The following SLC35F1 variants were observed in gnomAD, a reference collection of about 807,000 sequenced individuals.
SLC35F1 encodes chromosome 6 open reading frame 169.
SLC35F1 carries 14 observed loss-of-function variants against 48.7 expected under a neutral mutation model. That is an observed-to-expected ratio of 0.29 (90% CI 0.19 to 0.45). SLC35F1 has a LOEUF of 0.45. Among genes scored for constraint, SLC35F1 ranks in the 20% least tolerant of loss-of-function variants. The pLI is 1.00. For synonymous variants in SLC35F1, 190 were observed against 202.2 expected, an observed-to-expected ratio of 0.94 and a Z score of 0.51; for missense variants, 404 against 500.0, an observed-to-expected ratio of 0.81 and a Z score of 1.83.
intron 1 of SLC35F1, among the ~76,000 whole-genome samples, chr6:118,039,580 G>C (rs4946318): frequency 0.52 from 78,114 of 151,114 alleles, 20,955 homozygotes; most frequent in Middle Eastern, 0.64. Context: ...ATTTCTATTG[G>C]TCTATTTTCA....
At chr6:118,202,847 G>A (rs1774888655) in intron 2 of SLC35F1, among the ~76,000 whole-genome samples, 1 of 152,212 alleles carries the variant, frequency 6.6e-6, no homozygotes, top group Non-Finnish European at 1.5e-5. Flanking sequence ...AGGCCTCTCC[G>A]AGGAGATGAC....
At chr6:117,952,877 G>A (rs1776382051) in intron 1 of SLC35F1, among the ~76,000 whole-genome samples, 1 of 152,144 alleles carries the variant, frequency 6.6e-6, no homozygotes, top group African/African-American at 2.4e-5. Context: ...TGGTTATTGG[G>A]CTCAGTGAAG....
Position 118,252,277 on chromosome 6 carries a change from C to T in SLC35F1, c.478-14718C>T, listed in dbSNP as rs184786792. 4.6e-5 allele frequency among the ~76,000 whole-genome samples: 7 copies of T among 152,156 alleles called. No homozygotes were observed. In the East Asian group the frequency reaches 1.4e-3, roughly 29 times the overall value. The stretch of plus-strand genomic sequence containing the variant: ...GCCACTAAGTGCATGATGATCATGA[C>T]TTGAAGCCACTTGCTAACTGTCGAT... On this transcript the variant is annotated intron_variant, in intron 3 of 7. Coordinates refer to ENST00000360388, the MANE Select transcript of SLC35F1 (RefSeq NM_001029858.4).
Position 118,215,888 on chromosome 6 carries a change from C to T in SLC35F1, c.350-19621C>T, listed in dbSNP as rs1005731718. On this transcript the variant is annotated intron_variant, in intron 2 of 7. Coordinates refer to ENST00000360388, the MANE Select transcript of SLC35F1 (RefSeq NM_001029858.4). ...GGAAAAACAAGGGCTCAGTCCATCA[C>T]TCTTCTATCAAAGGAATTTAGTTAC... Among the ~76,000 whole-genome samples, 26 of 152,278 alleles carry T rather than the reference C, an allele frequency of 1.7e-4. No homozygotes were observed. In the East Asian group the frequency reaches 2.1e-3, roughly 12 times the overall value.
At chr6:118,275,355 G>T (rs1775907230) in intron 4 of SLC35F1, 104 bp from the exon 5 acceptor site, 1 of 1,222,374 alleles carries the variant, frequency 8.2e-7, no homozygotes, top group South Asian at 1.6e-5. Context: ...CTATAAAAAT[G>T]TCAAAATAGA....
chr6:118,139,848 C>T (rs1290386228), intron 1 of SLC35F1, among the ~76,000 whole-genome samples: 5 of 152,136 alleles, frequency 3.3e-5, no homozygotes, highest in Non-Finnish European at 5.9e-5. Context: ...GCTGTTATAT[C>T]AAAGGAGCAT....
In SLC35F1 at chr6:118,248,760, G is replaced by A. The variant is rs73527815; in HGVS notation, c.477+13124G>A. 9.9e-3 allele frequency among the ~76,000 whole-genome samples: 1,506 copies of A among 152,322 alleles called. 27 individuals are homozygous for A. The highest frequency in any genetic ancestry group is 0.034 in the African/African-American group (1,432 of 41,560). ...ATTAAGTTTGTGGTCATTTATTACA[G>A]CAGCAATGGAAAACTAATACAGTTG... On this transcript the variant is annotated intron_variant, in intron 3 of 7. Transcript: ENST00000360388.
intron 1 of SLC35F1, among the ~76,000 whole-genome samples, chr6:118,130,583 T>G (rs930766634): frequency 1.3e-5 from 2 of 152,194 alleles, no homozygotes; most frequent in Non-Finnish European, 2.9e-5. Flanking sequence ...TACTAGTAGT[T>G]TTTTGGGTAG....
intron 1 of SLC35F1, among the ~76,000 whole-genome samples, chr6:117,985,800 AAG>A (rs1484609613): frequency 2.0e-5 from 3 of 152,248 alleles, no homozygotes; most frequent in Non-Finnish European, 4.4e-5. Flanking sequence ...TTATAGAAAA[AAG>A]TAAATATGCA....
chr6:117,921,469 T>C (rs921793627), intron 1 of SLC35F1, among the ~76,000 whole-genome samples: 2 of 152,218 alleles, frequency 1.3e-5, no homozygotes, highest in African/African-American at 4.8e-5. Flanking sequence ...GTTCTAACAG[T>C]TTGTGTGATT....
chr6:117,995,776 T>TA (rs905734819), intron 1 of SLC35F1, among the ~76,000 whole-genome samples: 11 of 151,722 alleles, frequency 7.3e-5, no homozygotes, highest in Non-Finnish European at 1.5e-4. Flanking sequence ...AAATAAAAAT[T>TA]AAAAAAAGGG....
At chr6:117,937,312 G>A (rs1264628926) in intron 1 of SLC35F1, among the ~76,000 whole-genome samples, 2 of 152,300 alleles carry the variant, frequency 1.3e-5, no homozygotes, top group African/African-American at 2.4e-5. Context: ...AGCGCACTAC[G>A]AGGAGTTAGA....
intron 1 of SLC35F1, among the ~76,000 whole-genome samples, chr6:117,997,338 G>C (rs1017970843): frequency 6.6e-6 from 1 of 152,200 alleles, no homozygotes; most frequent in Non-Finnish European, 1.5e-5. Flanking sequence ...GAACCAAGTT[G>C]GAAAACACTC....
chr6:118,023,112 G>A (rs188115220), intron 1 of SLC35F1, among the ~76,000 whole-genome samples: 38 of 152,202 alleles, frequency 2.5e-4, no homozygotes, highest in Admixed American at 1.6e-3. Flanking sequence ...AGAATGCAGC[G>A]AATAGATCCT....
intron 1 of SLC35F1, among the ~76,000 whole-genome samples, chr6:118,017,202 T>C (rs1482786141): frequency 6.6e-6 from 1 of 152,220 alleles, no homozygotes; most frequent in Non-Finnish European, 1.5e-5. Flanking sequence ...ATCCAGTGGC[T>C]ACATTAGGAC....
intron 1 of SLC35F1, among the ~76,000 whole-genome samples, chr6:117,965,627 G>A (rs768548869): frequency 6.6e-6 from 1 of 152,198 alleles, no homozygotes; most frequent in African/African-American, 2.4e-5. Context: ...CCACCCCACA[G>A]CTGGGGTGGT....
At chr6:117,998,130 C>A (rs972970395) in intron 1 of SLC35F1, among the ~76,000 whole-genome samples, 7 of 150,124 alleles carry the variant, frequency 4.7e-5, no homozygotes, top group African/African-American at 1.7e-4. Context: ...CAATCCTATT[C>A]TCTGATAAAA....
intron 1 of SLC35F1, among the ~76,000 whole-genome samples, chr6:118,027,463 C>A (rs1278567920): frequency 6.6e-6 from 1 of 152,102 alleles, no homozygotes; most frequent in Admixed American, 6.6e-5. Flanking sequence ...TATGGTCAGT[C>A]TTTTTAATTT....
intron 1 of SLC35F1, among the ~76,000 whole-genome samples, chr6:118,042,479 A>T (rs772680099): frequency 3.9e-5 from 6 of 152,192 alleles, no homozygotes; most frequent in Admixed American, 2.0e-4. Context: ...ATGCAAAGAC[A>T]TCAAGACATG....
Sources: gnomAD v4.1 joint callset for allele counts (sites outside exome capture counted in the v4.1 genomes callset) on GRCh38, gnomAD v4.1.1 for gene constraint, MANE v1.5 for transcripts, NCBI Gene and HGNC (gene_info 2026-07-23, HGNC 2026-07-21) for gene names.